Variants in PDE8B observed in about 807,000 individuals in gnomAD.
The protein encoded by PDE8B is phosphodiesterase 8B, also known as high affinity cAMP-specific and IBMX-insensitive 3',5'-cyclic phosphodiesterase 8B.
PDE8B carries 26 observed loss-of-function variants against 101.3 expected under a neutral mutation model. The ratio of observed to expected loss-of-function variants is 0.26; its 90% CI spans 0.19 to 0.36. The LOEUF (loss-of-function observed/expected upper bound fraction) is 0.36. PDE8B is among the 10% of genes least tolerant of loss of function. The pLI, the probability that PDE8B is intolerant of heterozygous loss-of-function variation, is 1.00. For missense variants in PDE8B, 810 were observed against 1,163.1 expected (o/e 0.70, Z 4.42); for synonymous variants, 424 against 429.3 (o/e 0.99, Z 0.15).
At chr5:77,278,025 T>A (rs1764185284) in intron 1 of PDE8B, among the ~76,000 whole-genome samples, 1 of 152,194 alleles carries the variant, frequency 6.6e-6, no homozygotes, top group African/African-American at 2.4e-5. Context: ...CAGAGCTGTT[T>A]TCCTGGGCAC....
At chr5:77,153,894 ATGT>A in the PDE8B span, among the ~76,000 whole-genome samples, 3 of 152,168 alleles carry the variant, frequency 2.0e-5, no homozygotes, top group Admixed American at 6.5e-5. Context: ...TTTTAAAAAA[ATGT>A]TGTCCGATTT....
chr5:77,129,319 A>G, the PDE8B span, among the ~76,000 whole-genome samples: 1 of 152,180 alleles, frequency 6.6e-6, no homozygotes, highest in African/African-American at 2.4e-5. Flanking sequence ...AAGTATAAAT[A>G]ATAAAATAAT....
intron 10 of PDE8B, among the ~76,000 whole-genome samples, chr5:77,368,442 C>A (rs1014083190): frequency 6.6e-6 from 1 of 152,170 alleles, no homozygotes; most frequent in African/African-American, 2.4e-5. Flanking sequence ...CTCCTGATCC[C>A]CAGGTATACT....
chr5:77,410,829 T>C (rs1394043524), intron 14 of PDE8B: 2 of 145,028 alleles, frequency 1.4e-5, no homozygotes, highest in African/African-American at 4.9e-5. Flanking sequence ...AGCATTTCTT[T>C]TTTTTTAAAT....
At chr5:77,206,193 C>T (rs762051750), upstream of PDE8B, among the ~76,000 whole-genome samples, 24 of 152,158 alleles carry the variant, frequency 1.6e-4, no homozygotes, top group Admixed American at 5.9e-4. Context: ...ATTTGAGCAC[C>T]TACCATGTCC....
chr5:77,425,127 T>C (rs1164498395), intron 20 of PDE8B, among the ~76,000 whole-genome samples: 5 of 152,246 alleles, frequency 3.3e-5, no homozygotes, highest in African/African-American at 1.2e-4. Flanking sequence ...TCAGTGTAAA[T>C]GTCAGTAGTT....
At chr5:77,187,065 G>T in the PDE8B span, among the ~76,000 whole-genome samples, 2 of 152,212 alleles carry the variant, frequency 1.3e-5, no homozygotes, top group Non-Finnish European at 2.9e-5. Context: ...TATGTACACA[G>T]TGTACACAGT....
chr5:77,203,864 G>T, the PDE8B span, among the ~76,000 whole-genome samples: 34 of 152,184 alleles, frequency 2.2e-4, no homozygotes, highest in Non-Finnish European at 4.4e-4. Context: ...TGGAATGGAT[G>T]ATATGCCTAG....
At position 77,412,241 on chromosome 5, in the gene PDE8B, T is replaced by C. The variant is rs778773002; in HGVS notation, c.1712+6T>C. On this transcript the variant is annotated splice_donor_region_variant and intron_variant, in intron 16 of 21. Transcript: ENST00000264917. Reference sequence around the variant, plus strand: ...GAAGCCATTACGCATAAAAGGTATGTGACTTCTCTGGCTGAAGGCAGAGCA... The same window carrying C: ...GAAGCCATTACGCATAAAAGGTATGCGACTTCTCTGGCTGAAGGCAGAGCA... 3 of 1,614,066 alleles carry C rather than the reference T, an allele frequency of 1.9e-6. No individual in the cohort carries two copies. In the South Asian group the frequency reaches 3.3e-5, roughly 18 times the overall value.
At chr5:77,252,996 CATTTA>C (rs1339150748) in intron 1 of PDE8B, among the ~76,000 whole-genome samples, 1 of 152,128 alleles carries the variant, frequency 6.6e-6, no homozygotes, top group Admixed American at 6.5e-5. Flanking sequence ...GGGCAAATAT[CATTTA>C]AGTGATAGAA....
the PDE8B span, among the ~76,000 whole-genome samples, chr5:77,138,686 T>G: frequency 6.6e-5 from 10 of 152,240 alleles, no homozygotes; most frequent in Admixed American, 1.3e-4. Flanking sequence ...TTTTCTTCTT[T>G]GAAATGATCT....
At chr5:77,393,725 T>C (rs1430721857) in intron 10 of PDE8B, among the ~76,000 whole-genome samples, 5 of 152,198 alleles carry the variant, frequency 3.3e-5, no homozygotes, top group African/African-American at 1.2e-4. Flanking sequence ...AGACTAAGGA[T>C]TCCCCATTAG....
intron 10 of PDE8B, among the ~76,000 whole-genome samples, chr5:77,360,142 A>G (rs892997658): frequency 1.3e-5 from 2 of 152,164 alleles, no homozygotes; most frequent in Non-Finnish European, 2.9e-5. Flanking sequence ...TGGATAATGA[A>G]CAGACATAGC....
At chr5:77,358,498 C>T (rs1240881319) in intron 10 of PDE8B, 10 of 940,380 alleles carry the variant, frequency 1.1e-5, no homozygotes, top group African/African-American at 7.1e-5. Context: ...TATGCCTCTT[C>T]GTACTTCCTC....
chr5:77,367,375 G>A (rs546113798), intron 10 of PDE8B, among the ~76,000 whole-genome samples: 3 of 152,244 alleles, frequency 2.0e-5, no homozygotes, highest in African/African-American at 4.8e-5. Flanking sequence ...GTCGTCCCTT[G>A]TGGAGTGGCC....
At chr5:77,416,166 G>T (rs1795512225) in intron 17 of PDE8B, among the ~76,000 whole-genome samples, 1 of 152,190 alleles carries the variant, frequency 6.6e-6, no homozygotes, top group South Asian at 2.1e-4. Flanking sequence ...CCCATTATTG[G>T]TATCTTTGTA....
chr5:77,257,368 A>G (rs1043759177), intron 1 of PDE8B, among the ~76,000 whole-genome samples: 4 of 152,234 alleles, frequency 2.6e-5, no homozygotes, highest in Non-Finnish European at 5.9e-5. Flanking sequence ...GCTTAAAAGT[A>G]TAGAAAAGGA....
At chr5:77,366,500 A>G (rs1250722391) in intron 10 of PDE8B, among the ~76,000 whole-genome samples, 3 of 152,200 alleles carry the variant, frequency 2.0e-5, no homozygotes, top group African/African-American at 7.2e-5. Context: ...CAAGTGGTCC[A>G]GGCTCAGGCA....
chr5:77,290,973 G>C, intron 1 of PDE8B: 1 of 1,611,894 alleles, frequency 6.2e-7, no homozygotes, highest in Non-Finnish European at 8.5e-7. Flanking sequence ...AATGGCCAAA[G>C]ATGAACGAGT....
Sources: gnomAD v4.1 joint callset for allele counts (sites outside exome capture counted in the v4.1 genomes callset) on GRCh38, gnomAD v4.1.1 for gene constraint, MANE v1.5 for transcripts, NCBI Gene and HGNC (gene_info 2026-07-23, HGNC 2026-07-21) for gene names.